Variants in ALDH1L2 observed in about 807,000 individuals in gnomAD.
ALDH1L2 encodes aldehyde dehydrogenase 1 family member L2.
ALDH1L2 carries 91 observed loss-of-function variants against 111.0 expected under a neutral mutation model. The ratio of observed to expected loss-of-function variants is 0.82; its 90% CI spans 0.69 to 0.98. ALDH1L2 has a LOEUF of 0.98. Among genes scored for constraint, ALDH1L2 ranks in the 50% least tolerant of loss-of-function variants. The pLI is 0.00. For synonymous variants in ALDH1L2, 374 were observed against 392.6 expected (o/e 0.95, Z 0.56); for missense variants, 995 against 1,126.8 (o/e 0.88, Z 1.67).
intron 15 of ALDH1L2, among the ~76,000 whole-genome samples, chr12:105,041,391 C>T (rs1293557208): frequency 1.3e-5 from 2 of 152,164 alleles, no homozygotes; most frequent in Non-Finnish European, 1.5e-5. Context: ...ACAATGCCAC[C>T]GGAGCGATGC....
chr12:105,084,296 T>G, intron 1 of ALDH1L2, 93 bp downstream of exon 1: 1 of 1,365,922 alleles, frequency 7.3e-7, no homozygotes, highest in South Asian at 1.5e-5. Context: ...GCATCGCTGC[T>G]CATCCCCAGC....
At chr12:105,078,768 G>A (rs575693377) in intron 1 of ALDH1L2, among the ~76,000 whole-genome samples, 67 of 152,216 alleles carry the variant, frequency 4.4e-4, no homozygotes, top group Non-Finnish European at 7.8e-4. Flanking sequence ...GTTAAGAGAC[G>A]AGAAGCCTTC....
chr12:105,084,264 C>A, intron 1 of ALDH1L2, 125 bp downstream of exon 1: 1 of 1,124,082 alleles, frequency 8.9e-7, no homozygotes, highest in Non-Finnish European at 1.2e-6. Flanking sequence ...TAAACGCTGT[C>A]TTGGTGTTTA....
In ALDH1L2 at chr12:105,046,808, C is replaced by T; in HGVS notation, c.1765G>A (p.Ala589Thr). Residue 589 changes from alanine to threonine, a missense_variant, in exon 15 of 23, where the codon GCC becomes ACC. Ala to Thr is a moderately conservative substitution (Grantham distance 58). Transcript: ENST00000258494. ...GGGTAGTTCCAGGGAATAATAATGG[C>T]ACAGACACTGCAGGGGAAGAAATTC... ...FTKKEPLGVCAIIIPWNYPLM... is the reference protein window; with the variant it reads ...FTKKEPLGVCTIIIPWNYPLM... The T allele has an allele frequency of 6.2e-7, 1 of 1,614,022 alleles. No homozygotes were observed. The highest frequency in any genetic ancestry group is 8.5e-7 in the Non-Finnish European group (1 of 1,179,964).
chr12:105,055,921 C>T (rs780482651), intron 10 of ALDH1L2, among the ~76,000 whole-genome samples: 6 of 151,928 alleles, frequency 3.9e-5, no homozygotes, highest in Non-Finnish European at 5.9e-5. Flanking sequence ...ATACCATCAA[C>T]TATACCAACA....
intron 2 of ALDH1L2, 55 bp downstream of exon 2, chr12:105,073,806 C>T: frequency 6.2e-7 from 1 of 1,606,500 alleles, no homozygotes; most frequent in Non-Finnish European, 8.5e-7. Context: ...GATGGAAGTC[C>T]AGCATTGGTA....
rs777652602 is a variant in ALDH1L2, at chr12:105,031,785, T to C, written c.2394A>G (p.Arg798=). Residue 798 remains arginine, a synonymous_variant, in exon 20 of 23, where the codon AGA becomes AGG. Coordinates refer to ENST00000258494, the MANE Select transcript of ALDH1L2 (RefSeq NM_001034173.4). ...KEGATLVYGG[R]QVQRPGFFME... ...TGATCTTACCTGGCCTTTGGACTTGTCTTCCCCCGTACACCAAAGTGGCCC... is the reference window on the plus strand; with the variant it reads ...TGATCTTACCTGGCCTTTGGACTTGCCTTCCCCCGTACACCAAAGTGGCCC... 1 of 1,614,176 alleles carries C rather than the reference T, an allele frequency of 6.2e-7. No homozygotes were observed.
intron 15 of ALDH1L2, 27 bp from the exon 16 acceptor site, chr12:105,040,721 T>C: frequency 1.2e-6 from 2 of 1,604,264 alleles, no homozygotes; most frequent in Non-Finnish European, 1.7e-6. Flanking sequence ...AGCAATTACC[T>C]TCTTCAGGCC....
At position 105,031,831 on chromosome 12, in the gene ALDH1L2, C is replaced by T. The variant is rs1317963630; in HGVS notation, c.2348G>A (p.Cys783Tyr). Reference protein sequence around the residue: ...KAHLEKLLQYCETGVKEGATL... With the variant: ...KAHLEKLLQYYETGVKEGATL... ...GGCCCCTTCTTTCACTCCAGTTTCA[C>T]AGTATTGCAGCAGCTTTTCCAGATG... is the stretch of plus-strand genomic sequence containing the variant. Residue 783 changes from cysteine to tyrosine, a missense_variant, in exon 20 of 23, where the codon TGT becomes TAT. Cys to Tyr is a radical substitution (Grantham distance 194, BLOSUM62 -2). Coordinates refer to ENST00000258494, the MANE Select transcript of ALDH1L2 (RefSeq NM_001034173.4). The T allele has an allele frequency of 6.2e-7, 1 of 1,614,090 alleles. No individual in the cohort carries two copies. The highest frequency in any genetic ancestry group is 1.1e-5 in the South Asian group (1 of 91,086).
intron 10 of ALDH1L2, 82 bp from the exon 11 acceptor site, chr12:105,053,013 C>T (rs765794453): frequency 1.3e-5 from 20 of 1,491,026 alleles, no homozygotes; most frequent in Admixed American, 7.0e-5. Context: ...AGCATATTCA[C>T]GAATGCAGAG....
intron 18 of ALDH1L2, among the ~76,000 whole-genome samples, chr12:105,036,098 T>TAC (rs1875020396): frequency 1.7e-5 from 1 of 58,148 alleles, no homozygotes; most frequent in African/African-American, 7.6e-5. Context: ...ATATTATATA[T>TAC]ACGTATATTT....
chr12:105,027,616 C>T (rs1874481019), intron 21 of ALDH1L2, among the ~76,000 whole-genome samples: 2 of 152,198 alleles, frequency 1.3e-5, no homozygotes, highest in Admixed American at 6.5e-5. Context: ...ATAAAAGGAC[C>T]TGTCTAGTTG....
Position 105,026,576 on chromosome 12 carries a change from T to C in ALDH1L2, c.2685A>G (p.Gly895=). The stretch of plus-strand genomic sequence containing the variant: ...CTTTTCCAAAGCCAGATTGTTTAAC[T>C]CCGCCAAATGGGGCCGCCACATCTG... The part of the protein sequence containing the change: ...NKTDVAAPFG[G]VKQSGFGKDL... The change falls in exon 22 of 23, where the codon GGA becomes GGG. Residue 895 remains glycine, a synonymous_variant. Transcript: ENST00000258494. 6.2e-7 allele frequency: 1 copy of C among 1,614,106 alleles called. No individual in the cohort carries two copies. The highest frequency in any genetic ancestry group is 8.5e-7 in the Non-Finnish European group (1 of 1,180,004).
chr12:105,049,976 G>A lies in ALDH1L2; in HGVS notation c.1618C>T (p.Leu540=). 6.2e-7 allele frequency: 1 copy of A among 1,613,200 alleles called. No individual in the cohort carries two copies. Among genetic ancestry groups the A allele is most frequent in the Non-Finnish European group, 8.5e-7 (1 of 1,179,548 alleles). Residue 540 remains leucine, a synonymous_variant, in exon 13 of 23, where the codon CTG becomes TTG. Transcript: ENST00000258494. ...LDSGAVYTLA[L]KTHIGMSVQT... ...ACAGACATTCCAATGTGTGTCTTCA[G>A]GGCCAAGGTATAGACAGCCCCTGAA... is the stretch of plus-strand genomic sequence containing the variant.
At chr12:105,070,258 C>T (rs7954946) in intron 3 of ALDH1L2, among the ~76,000 whole-genome samples, 74,367 of 152,036 alleles carry the variant, frequency 0.49, 19,696 homozygotes, top group Middle Eastern at 0.66. Context: ...TCCTGGTTCA[C>T]GCTGTATGTC....
In ALDH1L2 at chr12:105,061,633, G is replaced by A. The variant is rs1877007374; in HGVS notation, c.1041C>T (p.Thr347=). The A allele has an allele frequency of 6.2e-7, 1 of 1,614,090 alleles. No homozygotes were observed. The change falls in exon 8 of 23, where the codon ACC becomes ACT. Residue 347 remains threonine (T), a synonymous_variant. Transcript: ENST00000258494. ...LTAEEVKVAE[T]IKVIWAGILS... is the part of the protein sequence containing the mutation. ...TAAGTCATCATGTGTTCACCTTGATGGTCTCTGCCACTTTCACCTCTTCAG... is the reference window on the plus strand; with the variant it reads ...TAAGTCATCATGTGTTCACCTTGATAGTCTCTGCCACTTTCACCTCTTCAG...
chr12:105,029,877 T>G (rs1874611010), intron 21 of ALDH1L2, among the ~76,000 whole-genome samples: 1 of 152,200 alleles, frequency 6.6e-6, no homozygotes, highest in Non-Finnish European at 1.5e-5. Flanking sequence ...CATTTACAGT[T>G]GATTATATGA....
At chr12:105,065,149 A>G (rs1390149395) in intron 6 of ALDH1L2, 118 bp downstream of exon 6, 2 of 585,158 alleles carry the variant, frequency 3.4e-6, no homozygotes, top group African/African-American at 1.9e-5. Flanking sequence ...GGGAGAGTGA[A>G]TCACAGACCT....
chr12:105,034,868 C>G (rs1259799159), intron 18 of ALDH1L2, among the ~76,000 whole-genome samples: 1 of 152,060 alleles, frequency 6.6e-6, no homozygotes, highest in Non-Finnish European at 1.5e-5. Flanking sequence ...CCTGTAATCC[C>G]AGCTACTCAG....
Sources: gnomAD v4.1 joint callset for allele counts (sites outside exome capture counted in the v4.1 genomes callset) on GRCh38, gnomAD v4.1.1 for gene constraint, MANE v1.5 for transcripts, NCBI Gene and HGNC (gene_info 2026-07-23, HGNC 2026-07-21) for gene names.